The following PEDS1 variants were observed in gnomAD, a reference collection of about 807,000 sequenced individuals.
PEDS1 encodes the protein plasmanylethanolamine desaturase 1, also known as CarF homolog.
In PEDS1, 14 loss-of-function variants were observed where a neutral mutation model predicts 35.2. The observed-to-expected ratio is 0.40, with a 90% confidence interval of 0.26 to 0.62. The LOEUF (loss-of-function observed/expected upper bound fraction) is 0.62. Among genes scored for constraint, PEDS1 ranks in the 20% least tolerant of loss-of-function variants. The probability of loss-of-function intolerance (pLI) is 0.44; values close to 1 mark genes in which losing one functional copy is unlikely to be tolerated. For synonymous variants in PEDS1, 152 were observed against 152.0 expected, an observed-to-expected ratio of 1.00 and a Z score of 0.00; for missense variants, 260 against 367.8, an observed-to-expected ratio of 0.71 and a Z score of 2.40.
rs1393516067 is a variant in PEDS1 at position 50,122,461 on chromosome 20, G to T, written c.*2597C>A. 6.6e-6 allele frequency: 1 copy of T among 152,118 alleles called. No homozygotes were observed. The highest frequency in any genetic ancestry group is 1.5e-5 in the Non-Finnish European group (1 of 68,030). The allele number at this position is 152,118 out of a possible 1,614,324, so 9.4% of individuals were successfully genotyped here. On this transcript the variant is annotated 3_prime_UTR_variant, in exon 6 of 6. Transcript: ENST00000371652. Reference sequence around the variant, plus strand: ...CTCATGCCTGTAATCCCAACACTTTGGGAGGCCAAGGTGGGTGGATCACCT... The same window carrying T: ...CTCATGCCTGTAATCCCAACACTTTTGGAGGCCAAGGTGGGTGGATCACCT...
intron 1 of PEDS1, among the ~76,000 whole-genome samples, chr20:50,148,621 G>C (rs1036157507): frequency 6.6e-6 from 1 of 152,162 alleles, no homozygotes; most frequent in Non-Finnish European, 1.5e-5. Context: ...GCAGTCAAAG[G>C]CTTGGTGGGC....
intron 2 of PEDS1, among the ~76,000 whole-genome samples, chr20:50,139,223 C>T (rs917820717): frequency 1.3e-5 from 2 of 152,098 alleles, no homozygotes; most frequent in Non-Finnish European, 2.9e-5. Flanking sequence ...CCAAGGTCCA[C>T]GAAGGACTCT....
At chr20:50,126,787 T>C (rs1470051111) in intron 5 of PEDS1, among the ~76,000 whole-genome samples, 4 of 152,238 alleles carry the variant, frequency 2.6e-5, no homozygotes, top group Non-Finnish European at 5.9e-5. Flanking sequence ...CACTGGCTGC[T>C]AACTGAGCAT....
chr20:50,124,980 A>C lies in PEDS1; in HGVS notation c.*78T>G, dbSNP rs372971405. ...CCTCTCCATCTGGAGGGGCCAGCTC[A>C]AAGAGGCTGGAATTTGGCAGATGGC... On this transcript the variant is annotated 3_prime_UTR_variant, in exon 6 of 6. Coordinates refer to ENST00000371652, the MANE Select transcript of PEDS1 (RefSeq NM_199129.4). The C allele has an allele frequency of 1.1e-4, 175 of 1,585,036 alleles. 2 individuals are homozygous for C. The East Asian group carries it at 3.7e-3, about 33-fold the overall frequency.
intron 2 of PEDS1, among the ~76,000 whole-genome samples, chr20:50,134,164 T>C (rs1225031141): frequency 2.6e-5 from 4 of 152,254 alleles, no homozygotes; most frequent in African/African-American, 4.8e-5. Flanking sequence ...CTTTACTTGC[T>C]TAATGAGGTC....
intron 2 of PEDS1, among the ~76,000 whole-genome samples, chr20:50,140,875 A>G (rs2081285529): frequency 6.6e-6 from 1 of 152,106 alleles, no homozygotes; most frequent in Non-Finnish European, 1.5e-5. Flanking sequence ...GGCTATTTAA[A>G]TCGATTAGGG....
rs2081315700 is a variant in PEDS1, at chr20:50,143,482, G to A, written c.241+20C>T. 1 of 1,592,856 alleles carries A rather than the reference G, an allele frequency of 6.3e-7. No individual in the cohort carries two copies. The highest frequency in any genetic ancestry group is 8.5e-7 in the Non-Finnish European group (1 of 1,170,584). ...GCCCCTAGGGAAGTTGAGGCAGGCA[G>A]CAGTGCCTCGGGCACTCACCAACAC... On this transcript the variant is annotated intron_variant, in intron 2 of 5. Transcript: ENST00000371652.
Position 50,125,118 on chromosome 20 carries a change from C to T in PEDS1, c.753G>A (p.Gln251=). 6.2e-7 allele frequency: 1 copy of T among 1,614,192 alleles called. No homozygotes were observed. The highest frequency in any genetic ancestry group is 8.5e-7 in the Non-Finnish European group (1 of 1,180,002). Residue 251 remains glutamine (Q), a synonymous_variant, in exon 6 of 6, where the codon CAG becomes CAA. Coordinates refer to ENST00000371652, the MANE Select transcript of PEDS1 (RefSeq NM_199129.4). Reference sequence around the variant, plus strand: ...CCCGAGGCTTCTCGCCCGTCAGGCCCTGGATGAGGTCCTCCAGGCGTCGCC... The same window carrying T: ...CCCGAGGCTTCTCGCCCGTCAGGCCTTGGATGAGGTCCTCCAGGCGTCGCC... ...GFWRRLEDLI[Q]GLTGEKPRAD... is the part of the protein sequence containing the mutation.
chr20:50,147,531 C>G (rs887392116), intron 1 of PEDS1, among the ~76,000 whole-genome samples: 1 of 152,150 alleles, frequency 6.6e-6, no homozygotes, highest in African/African-American at 2.4e-5. Context: ...ATTTCCTAGA[C>G]AAGGAAACTG....
At chr20:50,133,698 G>A (rs776653288) in intron 2 of PEDS1, among the ~76,000 whole-genome samples, 36 of 152,230 alleles carry the variant, frequency 2.4e-4, no homozygotes, top group Non-Finnish European at 3.4e-4. Context: ...TGCTCAGAGC[G>A]AAGGTCAGCC....
chr20:50,136,722 CAA>C (rs34195813), intron 2 of PEDS1, among the ~76,000 whole-genome samples: 1 of 70,132 alleles, frequency 1.4e-5, no homozygotes, highest in Non-Finnish European at 2.4e-5. Context: ...GACTCTGCCT[CAA>C]AAAAAAAAAA....
chr20:50,133,518 C>A (rs2081200745), intron 2 of PEDS1, among the ~76,000 whole-genome samples: 1 of 152,126 alleles, frequency 6.6e-6, no homozygotes, highest in Non-Finnish European at 1.5e-5. Flanking sequence ...CTGGTCTGGG[C>A]AGTCTTGCCC....
chr20:50,143,696 CTTTTCTT>C lies in PEDS1; in HGVS notation c.122-82_122-76del, dbSNP rs978537709. On this transcript the variant is annotated intron_variant, in intron 1 of 5. Transcript: ENST00000371652. ...AGAGTGTGGCCCCATGGGAACTTTT[CTTTTCTT>C]TTTTTTTTTTCTGAGACAGAGTCTC... 6.5e-6 allele frequency: 10 copies of C among 1,533,738 alleles called. No individual in the cohort carries two copies. The Admixed American group carries it at 1.3e-4, about 20-fold the overall frequency.
At chr20:50,151,904 CACA>C (rs1261339723) in intron 1 of PEDS1, among the ~76,000 whole-genome samples, 6 of 152,018 alleles carry the variant, frequency 3.9e-5, no homozygotes, top group Non-Finnish European at 8.8e-5. Flanking sequence ...AAAAAACCCA[CACA>C]ACAACAGGGA....
In PEDS1 at chr20:50,129,830, C is replaced by T; in HGVS notation, c.334-140G>A. The T allele has an allele frequency of 7.4e-7, 1 of 1,357,160 alleles. No homozygotes were observed. Among genetic ancestry groups the T allele is most frequent in the Non-Finnish European group, 9.9e-7 (1 of 1,014,488 alleles). The allele number at this position is 1,357,160 out of a possible 1,614,324, so 84.1% of individuals were successfully genotyped here. On this transcript the variant is annotated intron_variant, in intron 3 of 5. Transcript: ENST00000371652. The surrounding 1 kb of genome is among the most constrained non-coding windows in gnomAD (Gnocchi z 4.2). ...CTCCACCCGGGATGCTTGAACATTC[C>T]CACCTGGCCCACTGCCAGACACAGA...
rs1229857790 is a variant in PEDS1 at position 50,119,266 on chromosome 20, T to G, written c.*5792A>C. 1 of 151,586 alleles carries G rather than the reference T, an allele frequency of 6.6e-6. No homozygotes were observed. Among genetic ancestry groups the G allele is most frequent in the Non-Finnish European group, 1.5e-5 (1 of 67,902 alleles). 9.4% of individuals were successfully genotyped at this position (151,586 alleles called of 1,614,324 possible). A position where few individuals can be genotyped will look rare whatever the true frequency, so the allele number is the denominator to read the frequency against. On this transcript the variant is annotated 3_prime_UTR_variant, in exon 6 of 6. Coordinates refer to ENST00000371652, the MANE Select transcript of PEDS1 (RefSeq NM_199129.4). ...GGCAACAAAGCAAGACCCCCGTCTCTAAAAATAATAAAAAAAAATTAGCTC... is the reference window on the plus strand; with the variant it reads ...GGCAACAAAGCAAGACCCCCGTCTCGAAAAATAATAAAAAAAAATTAGCTC...
chr20:50,152,573 TG>T (rs2081416204), intron 1 of PEDS1, among the ~76,000 whole-genome samples: 4 of 152,066 alleles, frequency 2.6e-5, no homozygotes, highest in African/African-American at 9.7e-5. Context: ...GGGGGGTGCT[TG>T]CTGGAGCATA....
At position 50,119,830 on chromosome 20, in the gene PEDS1, G is replaced by A. The variant is rs2081036067; in HGVS notation, c.*5228C>T. 1 of 152,118 alleles carries A rather than the reference G, an allele frequency of 6.6e-6. No homozygotes were observed. Among genetic ancestry groups the A allele is most frequent in the African/African-American group, 2.4e-5 (1 of 41,404 alleles). The allele number at this position is 152,118 out of a possible 1,614,324, so 9.4% of individuals were successfully genotyped here. A position where few individuals can be genotyped will look rare whatever the true frequency, so the allele number is the denominator to read the frequency against. ...TGGACCACGTGGTCTCCGATGCAAC[G>A]ACTCAATTCTGCCACTGCAGTGCAA... On this transcript the variant is annotated 3_prime_UTR_variant, in exon 6 of 6. Coordinates refer to ENST00000371652, the MANE Select transcript of PEDS1 (RefSeq NM_199129.4).
intron 5 of PEDS1, among the ~76,000 whole-genome samples, chr20:50,126,267 C>G (rs1183214660): frequency 6.6e-5 from 10 of 152,140 alleles, no homozygotes. Context: ...GAGGTAGATA[C>G]TAATATCAGT....
Sources: allele counts gnomAD v4.1 joint callset (sites outside exome capture counted in the v4.1 genomes callset), GRCh38; gene constraint gnomAD v4.1.1; non-coding constraint Gnocchi (gnomAD v3.1); transcripts MANE v1.5; gene names NCBI Gene and HGNC (gene_info 2026-07-23, HGNC 2026-07-21).